PTPN6: variants seen among roughly 807,000 people sequenced by gnomAD.
PTPN6 encodes the protein tyrosine-protein phosphatase non-receptor type 6.
PTPN6 carries 18 observed loss-of-function variants against 81.5 expected under a neutral mutation model. That is an observed-to-expected ratio of 0.22 (90% CI 0.15 to 0.33). The LOEUF is 0.33. Among genes scored for constraint, PTPN6 ranks in the 10% least tolerant of loss-of-function variants. PTPN6 has a pLI of 1.00. For missense variants in PTPN6, 500 were observed against 794.2 expected, an observed-to-expected ratio of 0.63 and a Z score of 4.45; for synonymous variants, 301 against 310.9, an observed-to-expected ratio of 0.97 and a Z score of 0.33.
rs782128168 is a variant in PTPN6, at chr12:6,960,119, C to T, written c.1461C>T (p.Thr487=). The change falls in exon 13 of 16, where the codon ACC becomes ACT. Residue 487 remains threonine, a synonymous_variant. Coordinates refer to ENST00000318974, the MANE Select transcript of PTPN6 (RefSeq NM_002831.6). The surrounding 1 kb of genome is among the most constrained non-coding windows in gnomAD (Gnocchi z 6.1). ...ACTGTGACATTGACATCCAGAAGACCATCCAGATGGTGCGGGCGCAGCGCT... is the reference window on the plus strand; with the variant it reads ...ACTGTGACATTGACATCCAGAAGACTATCCAGATGGTGCGGGCGCAGCGCT... ...GLDCDIDIQK[T]IQMVRAQRSG... The T allele has an allele frequency of 3.1e-6, 5 of 1,613,728 alleles. No individual in the cohort carries two copies. In the African/African-American group the frequency reaches 6.7e-5, roughly 22 times the overall value.
In PTPN6 at chr12:6,951,484, C is replaced by A. The variant is rs371595452; in HGVS notation, c.-29C>A. 2 of 1,613,706 alleles carry A rather than the reference C, an allele frequency of 1.2e-6. No homozygotes were observed. Among genetic ancestry groups the A allele is most frequent in the East Asian group, 2.2e-5 (1 of 44,870 alleles). ...ACTAGCTGCACCTCCTCATTCCCTGCGCCCCCTTCCTCTCCGGAAGCCCCC... is the reference window on the plus strand; with the variant it reads ...ACTAGCTGCACCTCCTCATTCCCTGAGCCCCCTTCCTCTCCGGAAGCCCCC... On this transcript the variant is annotated 5_prime_UTR_variant, in exon 1 of 16. Coordinates refer to ENST00000318974, the MANE Select transcript of PTPN6 (RefSeq NM_002831.6). The surrounding 1 kb of genome is among the most constrained non-coding windows in gnomAD (Gnocchi z 7.2).
chr12:6,957,583 T>C lies in PTPN6; in HGVS notation c.1075-71T>C. 6.4e-7 allele frequency: 1 copy of C among 1,571,124 alleles called. No individual in the cohort carries two copies. The highest frequency in any genetic ancestry group is 8.7e-7 in the Non-Finnish European group (1 of 1,152,172). On this transcript the variant is annotated intron_variant, in intron 9 of 15. Coordinates refer to ENST00000318974, the MANE Select transcript of PTPN6 (RefSeq NM_002831.6). The surrounding 1 kb of genome is among the most constrained non-coding windows in gnomAD (Gnocchi z 6.5). ...GGGCCGGTGCCAGGCACTCAGAACA[T>C]AGAGCAGGACCTGGGATGGGCCACA...
In PTPN6 at chr12:6,960,746, C is replaced by G. The variant is rs374350034; in HGVS notation, c.1674-60C>G. 1.0e-4 allele frequency: 155 copies of G among 1,551,734 alleles called. 1 individual carries two copies. In the African/African-American group the frequency reaches 1.8e-3, roughly 18 times the overall value. The stretch of plus-strand genomic sequence containing the variant: ...AGGGGACTGCCAGTGCCGGGTCCCC[C>G]TGTGCTGTCTCCTGACCTGCACCAA... On this transcript the variant is annotated intron_variant, in intron 14 of 15. Coordinates refer to ENST00000318974, the MANE Select transcript of PTPN6 (RefSeq NM_002831.6). The surrounding 1 kb of genome is among the most constrained non-coding windows in gnomAD (Gnocchi z 6.1).
Position 6,955,885 on chromosome 12 carries a change from C to T in PTPN6, c.844+129C>T. On this transcript the variant is annotated intron_variant, in intron 7 of 15. Transcript: ENST00000318974. The surrounding 1 kb of genome is among the most constrained non-coding windows in gnomAD (Gnocchi z 7.2). ...CCCACACCCCCCACAGAGCCTCCCC[C>T]TTCTCCAAAAGGCCTCTACTCCTCC... 1 of 962,784 alleles carries T rather than the reference C, an allele frequency of 1.0e-6. No individual in the cohort carries two copies. Among genetic ancestry groups the T allele is most frequent in the Non-Finnish European group, 1.6e-6 (1 of 612,448 alleles). The allele number at this position is 962,784 out of a possible 1,614,324, so 59.6% of individuals were successfully genotyped here.
At position 6,956,574 on chromosome 12, in the gene PTPN6, G is replaced by T. The variant is rs1275622310; in HGVS notation, c.1074+6G>T. 1 of 1,613,132 alleles carries T rather than the reference G, an allele frequency of 6.2e-7. No individual in the cohort carries two copies. Among genetic ancestry groups the T allele is most frequent in the African/African-American group, 1.3e-5 (1 of 74,652 alleles). The stretch of plus-strand genomic sequence containing the variant: ...GAGAGGTGGAGAAAGGCCGGGTAGG[G>T]CGCCCCCCCTTCCCCGCATCCGCCC... On this transcript the variant is annotated splice_donor_region_variant and intron_variant, in intron 9 of 15. Coordinates refer to ENST00000318974, the MANE Select transcript of PTPN6 (RefSeq NM_002831.6). This position sits in a 1 kb window ranked among gnomAD's most constrained non-coding sequence, Gnocchi z 4.1.
upstream of PTPN6, chr12:6,951,280 C>T (rs782091732): frequency 7.6e-6 from 11 of 1,449,592 alleles, no homozygotes; most frequent in South Asian, 2.8e-5. The surrounding 1 kb of genome is among the most constrained non-coding windows in gnomAD (Gnocchi z 7.2). Context: ...TGCTCTAAAA[C>T]GAGAAGTACA....
Position 6,959,856 on chromosome 12 carries a change from C to A in PTPN6, c.1362-71C>A. On this transcript the variant is annotated intron_variant, in intron 11 of 15. Transcript: ENST00000318974. This position sits in a 1 kb window ranked among gnomAD's most constrained non-coding sequence, Gnocchi z 6.6. ...GCTCCTGTGGTGCCTGGGGCTGGAG[C>A]TGAGCGCTGGGTACCCCCCTTCCCG... 1 of 1,532,760 alleles carries A rather than the reference C, an allele frequency of 6.5e-7. No homozygotes were observed. The highest frequency in any genetic ancestry group is 9.0e-7 in the Non-Finnish European group (1 of 1,111,230). 94.9% of individuals were successfully genotyped at this position (1,532,760 alleles called of 1,614,324 possible). A position where few individuals can be genotyped will look rare whatever the true frequency, so the allele number is the denominator to read the frequency against.
chr12:6,953,915 C>T (rs1293599040), intron 3 of PTPN6, among the ~76,000 whole-genome samples: 2 of 152,162 alleles, frequency 1.3e-5, no homozygotes, highest in African/African-American at 4.8e-5. Flanking sequence ...AAAATTTGCC[C>T]GCCCTCCCCT....
chr12:6,947,239 T>C (rs1181744265), upstream of PTPN6, among the ~76,000 whole-genome samples: 1 of 152,236 alleles, frequency 6.6e-6, no homozygotes, highest in Non-Finnish European at 1.5e-5. Flanking sequence ...CTGTTTAAGA[T>C]GCTGGTAATA....
chr12:6,949,818 A>AT (rs1180995851), upstream of PTPN6, among the ~76,000 whole-genome samples: 147 of 137,394 alleles, frequency 1.1e-3, no homozygotes, highest in East Asian at 1.3e-3. Context: ...ATGGTTTTTA[A>AT]TTTTTTTTTT....
rs1035633051 is a variant in PTPN6 at position 6,956,614 on chromosome 12, A to G, written c.1074+46A>G. 7.4e-6 allele frequency: 12 copies of G among 1,610,996 alleles called. No individual in the cohort carries two copies. Among genetic ancestry groups the G allele is most frequent in the South Asian group, 1.1e-5 (1 of 90,968 alleles). On this transcript the variant is annotated intron_variant, in intron 9 of 15. Transcript: ENST00000318974. The surrounding 1 kb of genome is among the most constrained non-coding windows in gnomAD (Gnocchi z 4.1). ...CGCATCCGCCCCCGTGCTTGTGGTC[A>G]TGCCATTAAGTCGAAGAGCAGTCAG...
chr12:6,955,575 C>T lies in PTPN6; in HGVS notation c.748-85C>T. ...CGGACACCTTCCCCTCCTTGCCCAC[C>T]TCTGCTCCTGACCCACCCCACGTGA... is the stretch of plus-strand genomic sequence containing the variant. On this transcript the variant is annotated intron_variant, in intron 6 of 15. Coordinates refer to ENST00000318974, the MANE Select transcript of PTPN6 (RefSeq NM_002831.6). The surrounding 1 kb of genome is among the most constrained non-coding windows in gnomAD (Gnocchi z 7.2). The T allele has an allele frequency of 6.4e-7, 1 of 1,562,610 alleles. No homozygotes were observed. The highest frequency in any genetic ancestry group is 8.8e-7 in the Non-Finnish European group (1 of 1,134,038).
upstream of PTPN6, among the ~76,000 whole-genome samples, chr12:6,947,077 G>A (rs782295129): frequency 6.6e-6 from 1 of 152,260 alleles, no homozygotes; most frequent in African/African-American, 2.4e-5. Flanking sequence ...GCAGTCAGAG[G>A]CCACCCGCGA....
At position 6,956,172 on chromosome 12, in the gene PTPN6, G is replaced by A. The variant is rs1387683991; in HGVS notation, c.875G>A (p.Arg292Gln). 15 of 1,614,034 alleles carry A rather than the reference G, an allele frequency of 9.3e-6. No individual in the cohort carries two copies. The highest frequency in any genetic ancestry group is 1.1e-5 in the Non-Finnish European group (13 of 1,180,050). Reference protein sequence around the residue: ...FDHSRVILQGRDSNIPGSDYI... With the variant: ...FDHSRVILQGQDSNIPGSDYI... ...CACAGCCGAGTGATCCTGCAGGGAC[G>A]GGACAGTAACATCCCCGGGTCCGAC... The change falls in exon 8 of 16, where the codon CGG becomes CAG. Residue 292 changes from arginine to glutamine, a missense_variant. Physicochemically the swap from Arg to Gln is conservative, Grantham distance 43 (BLOSUM62 1). Coordinates refer to ENST00000318974, the MANE Select transcript of PTPN6 (RefSeq NM_002831.6). The surrounding 1 kb of genome is among the most constrained non-coding windows in gnomAD (Gnocchi z 4.1).
rs1555148375 is a variant in PTPN6 at position 6,955,168 on chromosome 12, G to T, written c.534G>T (p.Val178=). Residue 178 remains valine, a synonymous_variant, in exon 5 of 16, where the codon GTG becomes GTT. Transcript: ENST00000318974. The surrounding 1 kb of genome is among the most constrained non-coding windows in gnomAD (Gnocchi z 7.2). ...KVMCEGGRYT[V]GGLETFDSLT... ...CCCCCCAGGGTGGACGCTACACAGT[G>T]GGTGGTTTGGAGACCTTCGACAGCC... 1 of 1,614,166 alleles carries T rather than the reference G, an allele frequency of 6.2e-7. No homozygotes were observed. Among genetic ancestry groups the T allele is most frequent in the South Asian group, 1.1e-5 (1 of 91,078 alleles).
Position 6,957,942 on chromosome 12 carries a change from G to C in PTPN6, c.1230G>C (p.Trp410Cys). 6.2e-7 allele frequency: 1 copy of C among 1,613,942 alleles called. No individual in the cohort carries two copies. The highest frequency in any genetic ancestry group is 1.3e-5 in the African/African-American group (1 of 75,044). Residue 410 changes from tryptophan (W) to cysteine (C), a missense_variant, in exon 11 of 16, where the codon TGG becomes TGC. Physicochemically the swap from Trp to Cys is radical, Grantham distance 215 (BLOSUM62 -2). This residue lies in a region of PTPN6 where 226 missense variants were observed against 364.4 expected (regional missense o/e 0.62). Transcript: ENST00000318974. The surrounding 1 kb of genome is among the most constrained non-coding windows in gnomAD (Gnocchi z 6.5). Reference protein sequence around the residue: ...LDNGDLIREIWHYQYLSWPDH... With the variant: ...LDNGDLIREICHYQYLSWPDH... ...AGGGAGACCTGATTCGGGAGATCTG[G>C]CATTACCAGTACCTGAGCTGGCCCG...
intron 11 of PTPN6, among the ~76,000 whole-genome samples, chr12:6,958,317 C>T (rs782759809): frequency 1.3e-5 from 2 of 152,194 alleles, no homozygotes; most frequent in Non-Finnish European, 2.9e-5. Context: ...TACCATCTCG[C>T]CCAACCCTGC....
chr12:6,948,280 C>A (rs1462545817), upstream of PTPN6, among the ~76,000 whole-genome samples: 4 of 151,718 alleles, frequency 2.6e-5, no homozygotes, highest in African/African-American at 9.7e-5. Flanking sequence ...ACTACTACTA[C>A]TAATAAATAG....
In PTPN6 at chr12:6,959,889, C is replaced by A; in HGVS notation, c.1362-38C>A. 6.2e-7 allele frequency: 1 copy of A among 1,609,158 alleles called. No homozygotes were observed. The highest frequency in any genetic ancestry group is 8.5e-7 in the Non-Finnish European group (1 of 1,178,518). ...TGGGTACCCCCCTTCCCGGGGAGGGCTTGACTGGCCTCTGATGGCACCCCC... is the reference window on the plus strand; with the variant it reads ...TGGGTACCCCCCTTCCCGGGGAGGGATTGACTGGCCTCTGATGGCACCCCC... On this transcript the variant is annotated intron_variant, in intron 11 of 15. Coordinates refer to ENST00000318974, the MANE Select transcript of PTPN6 (RefSeq NM_002831.6). This position sits in a 1 kb window ranked among gnomAD's most constrained non-coding sequence, Gnocchi z 6.6.
Sources: gnomAD v4.1 joint callset for allele counts (sites outside exome capture counted in the v4.1 genomes callset) on GRCh38, gnomAD v4.1.1 for gene constraint, gnomAD v4.1.1 regional missense constraint, Gnocchi (gnomAD v3.1) non-coding constraint, MANE v1.5 for transcripts, NCBI Gene and HGNC (gene_info 2026-07-23, HGNC 2026-07-21) for gene names.